PBRM1: variants seen among roughly 807,000 people sequenced by gnomAD.
PBRM1 encodes protein polybromo-1.
A neutral mutation model predicts 194.5 loss-of-function variants in PBRM1; 27 were observed. That is an observed-to-expected ratio of 0.14 (90% CI 0.10 to 0.19). The LOEUF is 0.19. Among genes scored for constraint, PBRM1 ranks in the 10% least tolerant of loss-of-function variants. PBRM1 has a pLI of 1.00. For synonymous variants in PBRM1, 655 were observed against 693.2 expected (o/e 0.94, Z 0.87); for missense variants, 1,466 against 2,077.2 (o/e 0.71, Z 5.72).
chr3:52,664,382 A>C (rs1030766952), intron 3 of PBRM1, among the ~76,000 whole-genome samples: 1 of 150,180 alleles, frequency 6.7e-6, no homozygotes, highest in African/African-American at 2.4e-5. Context: ...AACTAATTTA[A>C]GAGATTTCAC....
intron 22 of PBRM1, among the ~76,000 whole-genome samples, chr3:52,567,565 C>CAAAAAAAAAAA (rs10644120): frequency 3.3e-5 from 3 of 91,652 alleles, no homozygotes; most frequent in Admixed American, 1.1e-4. Flanking sequence ...TAGGTAATCT[C>CAAAAAAAAAAA]AAAAAAAAAA....
intron 6 of PBRM1, among the ~76,000 whole-genome samples, chr3:52,650,985 A>G (rs1199730671): frequency 1.3e-5 from 2 of 152,194 alleles, no homozygotes; most frequent in Non-Finnish European, 2.9e-5. Context: ...AAGGGTTGAG[A>G]ACACAGACTA....
At chr3:52,554,961 C>T in intron 26 of PBRM1, 82 bp from the exon 29 acceptor site, 2 of 1,099,366 alleles carry the variant, frequency 1.8e-6, no homozygotes, top group Non-Finnish European at 2.7e-6. Flanking sequence ...CCCACATGCA[C>T]TACCAATGAA....
intron 8 of PBRM1, 152 bp downstream of exon 9, chr3:52,644,552 T>G: frequency 5.5e-6 from 2 of 361,800 alleles, no homozygotes; most frequent in South Asian, 3.4e-5. Context: ...GCCCGGCTAA[T>G]TTTTGTATTT....
chr3:52,577,198 A>G (rs2089873150), intron 21 of PBRM1, among the ~76,000 whole-genome samples: 1 of 152,198 alleles, frequency 6.6e-6, no homozygotes, highest in Admixed American at 6.5e-5. Context: ...TGGGAGGCCA[A>G]GGTGGGCGAA....
chr3:52,647,778 G>T (rs1438233426), intron 7 of PBRM1, among the ~76,000 whole-genome samples: 1 of 151,974 alleles, frequency 6.6e-6, no homozygotes, highest in Non-Finnish European at 1.5e-5. Context: ...AATGGCAACA[G>T]GCAAACACAG....
At chr3:52,584,534 C>T (rs929503835) in intron 20 of PBRM1, among the ~76,000 whole-genome samples, 1 of 131,530 alleles carries the variant, frequency 7.6e-6, no homozygotes, top group Non-Finnish European at 1.5e-5. Context: ...CAATTTACTG[C>T]AGCCTCTACC....
intron 6 of PBRM1, among the ~76,000 whole-genome samples, chr3:52,649,270 A>C (rs1033111419): frequency 7.2e-5 from 11 of 152,188 alleles, no homozygotes; most frequent in Non-Finnish European, 1.5e-4. Flanking sequence ...ACCTCCCATA[A>C]TGAGGATGTA....
At chr3:52,683,199 T>A (rs1418730751), upstream of PBRM1, among the ~76,000 whole-genome samples, 1 of 137,182 alleles carries the variant, frequency 7.3e-6, no homozygotes. Context: ...CAAGACTCTG[T>A]CTCAAAAAAA....
At chr3:52,568,463 A>T (rs532705034) in intron 22 of PBRM1, among the ~76,000 whole-genome samples, 1 of 152,232 alleles carries the variant, frequency 6.6e-6, no homozygotes, top group South Asian at 2.1e-4. Context: ...GGTCATATAG[A>T]TATTTTCCAT....
At chr3:52,656,274 T>A (rs2096605699) in intron 5 of PBRM1, among the ~76,000 whole-genome samples, 1 of 152,164 alleles carries the variant, frequency 6.6e-6, no homozygotes, top group Non-Finnish European at 1.5e-5. Flanking sequence ...TTTTTCAGCA[T>A]CACCAGGAGA....
chr3:52,628,955 C>T (rs755190183), exon 12 of PBRM1: 15 of 1,612,618 alleles, frequency 9.3e-6, no homozygotes, highest in South Asian at 2.2e-5. Flanking sequence ...CACATTATAG[C>T]GTTTGGCATT....
chr3:52,642,842 T>C (rs1197638429), intron 9 of PBRM1, among the ~76,000 whole-genome samples: 3 of 151,344 alleles, frequency 2.0e-5, no homozygotes, highest in Admixed American at 6.6e-5. Context: ...GCTGGAGTGC[T>C]GTGCCACGAT....
chr3:52,632,727 CACCCAGGCTGGAG>C (rs2095662065), intron 11 of PBRM1, among the ~76,000 whole-genome samples: 1 of 148,688 alleles, frequency 6.7e-6, no homozygotes, highest in South Asian at 2.1e-4. Context: ...CTCACTCTGT[CACCCAGGCTGGAG>C]TGCAGTGGTG....
At chr3:52,653,281 T>C (rs1165503610) in intron 5 of PBRM1, among the ~76,000 whole-genome samples, 2 of 152,168 alleles carry the variant, frequency 1.3e-5, no homozygotes, top group Admixed American at 6.5e-5. Flanking sequence ...ACCTTTTGAA[T>C]GAAACTTTGT....
chr3:52,680,651 TTTTC>T (rs536552711), upstream of PBRM1, among the ~76,000 whole-genome samples: 373 of 152,044 alleles, frequency 2.5e-3, 1 homozygote, highest in African/African-American at 7.9e-3. Context: ...TGAAAGGCCT[TTTTC>T]TTTCTTTCTT....
At chr3:52,596,680 G>C (rs1289314750) in intron 17 of PBRM1, among the ~76,000 whole-genome samples, 1 of 152,000 alleles carries the variant, frequency 6.6e-6, no homozygotes, top group Non-Finnish European at 1.5e-5. Flanking sequence ...GGACTGCCCA[G>C]TGCCTTATCC....
intron 15 of PBRM1, among the ~76,000 whole-genome samples, chr3:52,611,922 T>A (rs1049778915): frequency 6.6e-6 from 1 of 151,686 alleles, no homozygotes; most frequent in African/African-American, 2.4e-5. Context: ...AGATAAATGG[T>A]AAGGGGTGGA....
intron 9 of PBRM1, among the ~76,000 whole-genome samples, chr3:52,642,591 G>A (rs1374557980): frequency 3.2e-5 from 4 of 125,466 alleles, no homozygotes; most frequent in Non-Finnish European, 6.5e-5. Context: ...CCTGGGCAAC[G>A]AGAGCAAACT....
Sources: gnomAD v4.1 joint callset for allele counts (sites outside exome capture counted in the v4.1 genomes callset) on GRCh38, gnomAD v4.1.1 for gene constraint, MANE v1.5 for transcripts, NCBI Gene and HGNC (gene_info 2026-07-23, HGNC 2026-07-21) for gene names.